SLC44A5: variants seen among roughly 807,000 people sequenced by gnomAD.
SLC44A5 encodes the protein choline transporter-like protein 5.
In SLC44A5, 57 loss-of-function variants were observed where a neutral mutation model predicts 101.8. That is an observed-to-expected ratio of 0.56 (90% CI 0.45 to 0.70). The LOEUF is 0.70. Among genes scored for constraint, SLC44A5 ranks in the 30% least tolerant of loss-of-function variants. SLC44A5 has a pLI of 0.00. For synonymous variants in SLC44A5, 281 were observed against 290.9 expected (o/e 0.97, Z 0.35); for missense variants, 737 against 853.1 (o/e 0.86, Z 1.70).
intron 2 of SLC44A5, among the ~76,000 whole-genome samples, chr1:75,439,015 T>C (rs1557784206): frequency 6.6e-6 from 1 of 152,124 alleles, no homozygotes; most frequent in Non-Finnish European, 1.5e-5. Flanking sequence ...CCAAAGTTCA[T>C]GTATTGACAA....
intron 3 of SLC44A5, among the ~76,000 whole-genome samples, chr1:75,384,845 A>G (rs1661186669): frequency 2.0e-5 from 3 of 151,412 alleles, no homozygotes; most frequent in South Asian, 4.2e-4. Flanking sequence ...AACAGAGATT[A>G]TAACAAACTA....
At chr1:75,508,479 A>G (rs1669390071) in intron 2 of SLC44A5, among the ~76,000 whole-genome samples, 2 of 152,212 alleles carry the variant, frequency 1.3e-5, no homozygotes, top group Admixed American at 6.5e-5. Context: ...CAATGCTAGC[A>G]GAAGAAAATA....
chr1:75,241,895 G>T, intron 9 of SLC44A5, 106 bp downstream of exon 9: 1 of 935,832 alleles, frequency 1.1e-6, no homozygotes, highest in Non-Finnish European at 1.7e-6. Context: ...TAGGCAGTCA[G>T]AGGACCATTC....
intron 3 of SLC44A5, among the ~76,000 whole-genome samples, chr1:75,340,362 T>C (rs1415071802): frequency 3.9e-5 from 6 of 152,062 alleles, no homozygotes; most frequent in South Asian, 2.1e-4. Context: ...AGGGTGTGCA[T>C]TTTGCAATCC....
intron 13 of SLC44A5, among the ~76,000 whole-genome samples, chr1:75,224,438 A>C (rs1175159913): frequency 7.9e-5 from 12 of 152,240 alleles, no homozygotes; most frequent in Admixed American, 7.9e-4. Flanking sequence ...AAGAAGGCAT[A>C]ATTATAATAG....
chr1:75,543,176 T>A (rs1269872887), intron 1 of SLC44A5, among the ~76,000 whole-genome samples: 1 of 152,208 alleles, frequency 6.6e-6, no homozygotes, highest in Non-Finnish European at 1.5e-5. Context: ...GTCTTATAAA[T>A]ACTCATAACT....
intron 4 of SLC44A5, among the ~76,000 whole-genome samples, chr1:75,325,094 G>A (rs745859997): frequency 5.1e-4 from 77 of 151,952 alleles, no homozygotes; most frequent in Non-Finnish European, 8.2e-4. Context: ...ACACAACCAG[G>A]GTAATAAATG....
intron 2 of SLC44A5, among the ~76,000 whole-genome samples, chr1:75,455,053 C>T (rs1265106342): frequency 1.3e-5 from 2 of 151,890 alleles, no homozygotes; most frequent in Non-Finnish European, 2.9e-5. Context: ...AAAAAGAGCC[C>T]AAATAGCCCA....
chr1:75,213,861 A>T, intron 21 of SLC44A5, 58 bp downstream of exon 21: 1 of 1,514,930 alleles, frequency 6.6e-7, no homozygotes, highest in Admixed American at 1.9e-5. Context: ...GTAGTAAAGC[A>T]GTTTTTCCAA....
At chr1:75,672,102 C>A in the SLC44A5 span, among the ~76,000 whole-genome samples, 1 of 152,114 alleles carries the variant, frequency 6.6e-6, no homozygotes, top group African/African-American at 2.4e-5. Flanking sequence ...AATCATAGTG[C>A]CTGCTTTTTG....
At chr1:75,568,188 C>T (rs1037371723) in intron 1 of SLC44A5, among the ~76,000 whole-genome samples, 3 of 152,116 alleles carry the variant, frequency 2.0e-5, no homozygotes, top group Admixed American at 6.5e-5. Flanking sequence ...GAAACTGTAA[C>T]GTATAATTTG....
chr1:75,504,004 G>A (rs1044405903), intron 2 of SLC44A5, among the ~76,000 whole-genome samples: 1 of 152,050 alleles, frequency 6.6e-6, no homozygotes. Context: ...TAAACAGTGA[G>A]GGGATTTTTT....
the SLC44A5 span, among the ~76,000 whole-genome samples, chr1:75,686,320 G>T: frequency 1.3e-5 from 2 of 152,168 alleles, no homozygotes; most frequent in Non-Finnish European, 2.9e-5. Flanking sequence ...TGGAATATTA[G>T]GAGTAAGTGG....
intron 23 of SLC44A5, 54 bp downstream of exon 23, chr1:75,211,414 T>C: frequency 2.1e-6 from 3 of 1,407,926 alleles, no homozygotes; most frequent in Non-Finnish European, 3.0e-6. Context: ...GCCTTCACCA[T>C]CTCACCTTTC....
the SLC44A5 span, among the ~76,000 whole-genome samples, chr1:75,651,021 C>A: frequency 6.6e-6 from 1 of 152,144 alleles, no homozygotes; most frequent in Non-Finnish European, 1.5e-5. Flanking sequence ...TGTTCCATCA[C>A]CCTATAAAAA....
chr1:75,661,244 A>C, the SLC44A5 span, among the ~76,000 whole-genome samples: 1 of 151,952 alleles, frequency 6.6e-6, no homozygotes, highest in African/African-American at 2.4e-5. Context: ...GGAAAATGAG[A>C]GTCTCTTCAA....
intron 5 of SLC44A5, among the ~76,000 whole-genome samples, chr1:75,291,880 C>A (rs537025279): frequency 1.3e-5 from 2 of 151,722 alleles, no homozygotes; most frequent in Admixed American, 1.3e-4. Context: ...GGCGTGGTGG[C>A]GGGCACCTGT....
At chr1:75,655,956 T>A in the SLC44A5 span, among the ~76,000 whole-genome samples, 7 of 152,076 alleles carry the variant, frequency 4.6e-5, no homozygotes, top group African/African-American at 1.7e-4. Context: ...CCCCAAGGCA[T>A]GTAATAATCA....
chr1:75,656,583 AAG>A, the SLC44A5 span, among the ~76,000 whole-genome samples: 327 of 152,342 alleles, frequency 2.1e-3, 1 homozygote, highest in African/African-American at 7.6e-3. Flanking sequence ...TTCATGATTA[AAG>A]TTGCCATCAG....
Sources: gnomAD v4.1 joint callset for allele counts (sites outside exome capture counted in the v4.1 genomes callset) on GRCh38, gnomAD v4.1.1 for gene constraint, MANE v1.5 for transcripts, NCBI Gene and HGNC (gene_info 2026-07-23, HGNC 2026-07-21) for gene names.